The following LPIN1 variants were observed in gnomAD, a reference collection of about 807,000 sequenced individuals.
The protein encoded by LPIN1 is lipin 1.
Under a neutral mutation model 107.5 loss-of-function variants are expected in LPIN1, and 71 were observed. The observed-to-expected ratio is 0.66, with a 90% CI of 0.55 to 0.80. LPIN1 has a LOEUF of 0.80. LPIN1 is among the 30% of genes least tolerant of loss of function. The probability of loss-of-function intolerance (pLI) is 0.00; values close to 1 mark genes in which losing one functional copy is unlikely to be tolerated. For missense variants in LPIN1, 1,043 were observed against 1,160.6 expected, an observed-to-expected ratio of 0.90 and a Z score of 1.47; for synonymous variants, 445 against 452.6, an observed-to-expected ratio of 0.98 and a Z score of 0.21.
At chr2:11,801,877 A>G (rs765618931) in intron 14 of LPIN1, among the ~76,000 whole-genome samples, 27 of 152,186 alleles carry the variant, frequency 1.8e-4, no homozygotes, top group Non-Finnish European at 3.4e-4. Flanking sequence ...TTATCAGAAT[A>G]TTACATGCAC....
At chr2:11,802,846 C>T in intron 14 of LPIN1, 61 bp from the exon 15 acceptor site, 1 of 1,595,210 alleles carries the variant, frequency 6.3e-7, no homozygotes, top group Non-Finnish European at 8.6e-7. Flanking sequence ...AAGGCTAATG[C>T]ATTTTTCATG....
Position 11,806,605 on chromosome 2 carries a change from A to G in LPIN1, c.2249+1449A>G, listed in dbSNP as rs186219506. The stretch of plus-strand genomic sequence containing the variant: ...TAAGTATGTACATTAAAAAAGCTTC[A>G]GATGTCATCTTAGATGCCCAAGCTC... On this transcript the variant is annotated intron_variant, in intron 17 of 20. Transcript: ENST00000674199. Among the ~76,000 whole-genome samples, 67 of 152,324 alleles carry G rather than the reference A, an allele frequency of 4.4e-4. 1 individual carries two copies. Among genetic ancestry groups the G allele is most frequent in the African/African-American group, 1.6e-3 (65 of 41,576 alleles).
intron 1 of LPIN1, among the ~76,000 whole-genome samples, chr2:11,702,379 C>A (rs187410238): frequency 6.6e-6 from 1 of 152,098 alleles, no homozygotes; most frequent in South Asian, 2.1e-4. Context: ...CAGAGGGTGA[C>A]GTCCTGACAA....
At chr2:11,678,659 G>A (rs973899261) in intron 1 of LPIN1, among the ~76,000 whole-genome samples, 2 of 152,170 alleles carry the variant, frequency 1.3e-5, no homozygotes, top group Non-Finnish European at 2.9e-5. Context: ...TCCATCCTCA[G>A]GGCAGTGCCT....
chr2:11,693,302 A>C (rs1437168064), intron 1 of LPIN1, among the ~76,000 whole-genome samples: 1 of 150,532 alleles, frequency 6.6e-6, no homozygotes, highest in African/African-American at 2.5e-5. Context: ...TGTGACTCTG[A>C]TGTGCAGCCA....
intron 2 of LPIN1, among the ~76,000 whole-genome samples, chr2:11,715,438 A>T (rs1318295232): frequency 2.0e-5 from 3 of 152,190 alleles, no homozygotes; most frequent in Non-Finnish European, 4.4e-5. Flanking sequence ...AGCGTCCGCC[A>T]TCCATGGTAG....
chr2:11,699,644 G>A (rs970616306), intron 1 of LPIN1, among the ~76,000 whole-genome samples: 1 of 152,264 alleles, frequency 6.6e-6, no homozygotes, highest in East Asian at 1.9e-4. Context: ...GTGCAGTCAC[G>A]CCAGCCACTC....
rs1572735360 is a variant in LPIN1 at position 11,774,132 on chromosome 2, T to C, written c.722+387T>C. Among the ~76,000 whole-genome samples the C allele has an allele frequency of 2.0e-5, 3 of 152,360 alleles. No homozygotes were observed. The South Asian group carries it at 6.2e-4, about 32-fold the overall frequency. On this transcript the variant is annotated intron_variant, in intron 5 of 20. Transcript: ENST00000674199. The surrounding 1 kb of genome is among the most constrained non-coding windows in gnomAD (Gnocchi z 4.4). ...CTGAGGTCGTTCAGGGCTATTAGAA[T>C]GGTGCCTCCGCCACACTTAATCCAT...
At chr2:11,775,892 CTT>C (rs1256956338) in intron 5 of LPIN1, among the ~76,000 whole-genome samples, 192 bp from the exon 6 acceptor site, 1 of 146,734 alleles carries the variant, frequency 6.8e-6, no homozygotes, top group Non-Finnish European at 1.5e-5. Context: ...TATATATAAT[CTT>C]TATATAAAGT....
chr2:11,792,913 G>A (rs1676031311), intron 13 of LPIN1, among the ~76,000 whole-genome samples: 1 of 152,218 alleles, frequency 6.6e-6, no homozygotes, highest in South Asian at 2.1e-4. Context: ...GGCTGCTCCT[G>A]CTCTGGCTTA....
chr2:11,685,668 A>G (rs1342081273), intron 1 of LPIN1, among the ~76,000 whole-genome samples: 1 of 152,196 alleles, frequency 6.6e-6, no homozygotes, highest in East Asian at 1.9e-4. Context: ...GAGTCCCCCC[A>G]GAGGGTAGCA....
At chr2:11,692,091 C>T (rs559873235) in intron 1 of LPIN1, among the ~76,000 whole-genome samples, 47 of 152,316 alleles carry the variant, frequency 3.1e-4, no homozygotes, top group Admixed American at 2.6e-3. Context: ...CCTTGTTTTC[C>T]GATCTGAAGA....
chr2:11,693,788 G>GTGTATATA (rs1375045563), intron 1 of LPIN1, among the ~76,000 whole-genome samples: 10 of 41,008 alleles, frequency 2.4e-4, no homozygotes, highest in African/African-American at 4.7e-4. Flanking sequence ...GTGTGAGTGT[G>GTGTATATA]TATATATATA....
chr2:11,686,400 G>A (rs1261643083), intron 1 of LPIN1, among the ~76,000 whole-genome samples: 3 of 152,324 alleles, frequency 2.0e-5, no homozygotes, highest in African/African-American at 2.4e-5. Context: ...GTGCTCTGTA[G>A]TTAGCCCCCA....
chr2:11,803,073 A>G lies in LPIN1; in HGVS notation c.2013+40A>G, dbSNP rs1213055418. 3.7e-6 allele frequency: 6 copies of G among 1,610,856 alleles called. No individual in the cohort carries two copies. In the African/African-American group the frequency reaches 4.0e-5, roughly 11 times the overall value. ...CTTGGCGCGGCTGTGTTGTGAGCAC[A>G]TGAGGTTTCTGCAGACTCCTAAGGC... On this transcript the variant is annotated intron_variant, in intron 15 of 20. Coordinates refer to ENST00000674199, the MANE Select transcript of LPIN1 (RefSeq NM_001349206.2). The surrounding 1 kb of genome is among the most constrained non-coding windows in gnomAD (Gnocchi z 4.2).
chr2:11,740,718 A>G (rs1280451156), intron 1 of LPIN1, among the ~76,000 whole-genome samples: 1 of 126,870 alleles, frequency 7.9e-6, no homozygotes, highest in Non-Finnish European at 1.8e-5. Flanking sequence ...GAAAGAAAGA[A>G]AAGAAAAGAA....
chr2:11,791,075 G>C (rs1361215503), intron 12 of LPIN1, among the ~76,000 whole-genome samples: 3 of 152,176 alleles, frequency 2.0e-5, no homozygotes, highest in Non-Finnish European at 4.4e-5. Context: ...TTATGAGCTG[G>C]ATGTGAGTGG....
upstream of LPIN1, among the ~76,000 whole-genome samples, chr2:11,742,720 G>A (rs1666497955): frequency 6.6e-6 from 1 of 152,202 alleles, no homozygotes; most frequent in South Asian, 2.1e-4. Context: ...GCTGTTCTGT[G>A]TCTTAGCCCC....
At chr2:11,799,482 C>T (rs191562417) in intron 14 of LPIN1, among the ~76,000 whole-genome samples, 33 of 151,794 alleles carry the variant, frequency 2.2e-4, no homozygotes, top group East Asian at 2.0e-3. Context: ...CTCCCCTCCC[C>T]GTTCCCAGCA....
Sources: gnomAD v4.1 joint callset for allele counts (sites outside exome capture counted in the v4.1 genomes callset) on GRCh38, gnomAD v4.1.1 for gene constraint, Gnocchi (gnomAD v3.1) non-coding constraint, MANE v1.5 for transcripts, NCBI Gene and HGNC (gene_info 2026-07-23, HGNC 2026-07-21) for gene names.